Variants in DMD observed in about 807,000 individuals in gnomAD.
The protein encoded by DMD is dystrophin.
A neutral mutation model predicts 330.1 loss-of-function variants in DMD; 63 were observed. The observed-to-expected ratio is 0.19, with a 90% CI of 0.16 to 0.24. The LOEUF is 0.24. Among genes scored for constraint, DMD ranks in the 10% least tolerant of loss-of-function variants. DMD has a pLI of 1.00. For missense variants in DMD, 3,344 were observed against 2,684.1 expected (o/e 1.25, Z -5.43); for synonymous variants, 1,223 against 959.8 (o/e 1.27, Z -5.07).
intron 63 of DMD, among the ~76,000 whole-genome samples, chrX:31,224,581 G>A (rs1199028877): frequency 8.9e-6 from 1 of 111,844 alleles, no homozygotes; most frequent in Non-Finnish European, 1.9e-5. Flanking sequence ...AACCAGTTAG[G>A]CAGTTTCTTA....
chrX:33,244,412 T>C (rs1432480898), intron 1 of DMD, among the ~76,000 whole-genome samples: 3 of 111,995 alleles, frequency 2.7e-5, no homozygotes, highest in African/African-American at 9.7e-5. Context: ...TGGATATCTA[T>C]ACCAGTTTGC....
At chrX:32,881,510 T>A (rs1393915338) in intron 2 of DMD, among the ~76,000 whole-genome samples, 1 of 112,152 alleles carries the variant, frequency 8.9e-6, no homozygotes, top group African/African-American at 3.2e-5. Context: ...TTAAATATGA[T>A]ACAATGGCAG....
intron 61 of DMD, among the ~76,000 whole-genome samples, chrX:31,334,206 T>C (rs1329785507): frequency 8.9e-6 from 1 of 112,521 alleles, no homozygotes; most frequent in African/African-American, 3.2e-5. Context: ...AGTGCTGGGA[T>C]CACAGGCGTG....
intron 28 of DMD, 84 bp downstream of exon 28, chrX:32,441,096 C>A: frequency 1.9e-6 from 2 of 1,045,282 alleles, no homozygotes; most frequent in African/African-American, 3.7e-5. Context: ...GGGTTGTTTT[C>A]TTTGGATTTG....
intron 44 of DMD, among the ~76,000 whole-genome samples, chrX:32,137,423 G>T (rs2096732022): frequency 1.8e-5 from 2 of 111,629 alleles, no homozygotes; most frequent in African/African-American, 6.5e-5. Context: ...TACAACCTCT[G>T]CAAAGGTAAT....
intron 44 of DMD, among the ~76,000 whole-genome samples, chrX:32,036,899 C>T (rs1208202959): frequency 1.8e-5 from 2 of 110,865 alleles, no homozygotes; most frequent in East Asian, 2.9e-4. Flanking sequence ...TGACAGTGGT[C>T]CATAATAAGG....
intron 7 of DMD, among the ~76,000 whole-genome samples, chrX:32,735,030 T>A (rs781375214): frequency 2.7e-5 from 3 of 111,085 alleles, no homozygotes. Context: ...TGTCTCAGCC[T>A]AAAATCTCCT....
chrX:32,510,390 G>A (rs1247459989), intron 18 of DMD, among the ~76,000 whole-genome samples: 1 of 111,673 alleles, frequency 9.0e-6, no homozygotes, highest in Admixed American at 9.5e-5. Context: ...GTGCCACTCT[G>A]TCTACAAGCA....
At chrX:31,709,513 A>T (rs996605301) in intron 52 of DMD, among the ~76,000 whole-genome samples, 2 of 107,537 alleles carry the variant, frequency 1.9e-5, no homozygotes, top group East Asian at 2.9e-4. Flanking sequence ...ATAAATAAAA[A>T]TTTTTTCTTT....
chrX:31,350,632 T>TGA (rs372820688), intron 60 of DMD, among the ~76,000 whole-genome samples: 33 of 66,687 alleles, frequency 4.9e-4, no homozygotes, highest in Admixed American at 2.9e-3. Context: ...TGTGTGTGTG[T>TGA]GAGAGAGAGA....
intron 34 of DMD, among the ~76,000 whole-genome samples, chrX:32,378,308 A>G (rs1263799615): frequency 1.8e-5 from 2 of 109,514 alleles, no homozygotes; most frequent in African/African-American, 6.6e-5. Context: ...TTATTTATCT[A>G]CTATAATTTT....
At position 32,527,445 on chromosome X, in the gene DMD, C is replaced by A. The variant is rs113462651; in HGVS notation, c.2169-9314G>T. ...TAAATCCCCAACCATTTGAAGATGA[C>A]CTACTATTCATCTTCCAAGGCTCAG... On this transcript the variant is annotated intron_variant, in intron 17 of 78. Transcript: ENST00000357033. Among the ~76,000 whole-genome samples the A allele has an allele frequency of 6.2e-3, 686 of 110,478 alleles. 2 individuals carry two copies. The highest frequency in any genetic ancestry group is 0.02 in the African/African-American group (604 of 30,400).
chrX:31,873,537 T>A (rs1236447285), intron 48 of DMD, among the ~76,000 whole-genome samples: 2 of 111,821 alleles, frequency 1.8e-5, no homozygotes, highest in African/African-American at 3.3e-5. Context: ...AGTAAATAAA[T>A]TTAACAATTA....
chrX:32,887,296 G>C (rs1454499770), intron 2 of DMD, among the ~76,000 whole-genome samples: 2 of 109,610 alleles, frequency 1.8e-5, no homozygotes, highest in Non-Finnish European at 3.8e-5. Context: ...GCAGTGAGCC[G>C]AGATCCCATC....
intron 2 of DMD, among the ~76,000 whole-genome samples, chrX:32,906,372 G>A (rs1297206602): frequency 2.7e-5 from 3 of 112,106 alleles, no homozygotes; most frequent in African/African-American, 9.7e-5. Context: ...AAGCTGCTAT[G>A]CTTCCTGAAC....
chrX:31,764,625 C>A (rs2089869346), intron 51 of DMD, among the ~76,000 whole-genome samples: 1 of 111,623 alleles, frequency 9.0e-6, no homozygotes, highest in South Asian at 3.7e-4. Flanking sequence ...AAATCGTCTT[C>A]ATGGATTTAA....
chrX:32,855,520 G>A (rs1043493346), intron 2 of DMD, among the ~76,000 whole-genome samples: 4 of 111,817 alleles, frequency 3.6e-5, no homozygotes, highest in African/African-American at 1.3e-4. Flanking sequence ...CAGACCTAAA[G>A]TAAACTCATT....
Position 31,121,799 on chromosome X carries a change from A to G in DMD, c.*120T>C. The G allele has an allele frequency of 2.0e-6, 2 of 991,038 alleles. No homozygotes were observed. The highest frequency in any genetic ancestry group is 2.9e-6 in the Non-Finnish European group (2 of 694,786). 81.7% of individuals were successfully genotyped at this position (991,038 alleles called of 1,213,427 possible). A position where few individuals can be genotyped will look rare whatever the true frequency, so the allele number is the denominator to read the frequency against. ...ATCCTCTTTGTTGTATGAATATTAT[A>G]AAAACCATGCGGGAATCAGGAGTTG... On this transcript the variant is annotated 3_prime_UTR_variant, in exon 79 of 79. Coordinates refer to ENST00000357033, the MANE Select transcript of DMD (RefSeq NM_004006.3).
At chrX:31,418,475 A>C (rs1440140918) in intron 60 of DMD, among the ~76,000 whole-genome samples, 3 of 111,919 alleles carry the variant, frequency 2.7e-5, no homozygotes, top group Non-Finnish European at 3.8e-5. Flanking sequence ...TAGGGCAGTT[A>C]GATTTAAGTG....
Sources: gnomAD v4.1 joint callset for allele counts (sites outside exome capture counted in the v4.1 genomes callset) on GRCh38, gnomAD v4.1.1 for gene constraint, MANE v1.5 for transcripts, NCBI Gene and HGNC (gene_info 2026-07-23, HGNC 2026-07-21) for gene names.